The following MROH9 variants were observed in gnomAD, a reference collection of about 807,000 sequenced individuals.
MROH9 encodes maestro heat like repeat family member 9.
Under a neutral mutation model 98.2 loss-of-function variants are expected in MROH9, and 92 were observed. That is an observed-to-expected ratio of 0.94 (90% CI 0.79 to 1.11). The LOEUF is 1.11. Ranked by LOEUF, MROH9 falls within the 50% of genes most tolerant of loss-of-function variation. The pLI is 0.00. For synonymous variants in MROH9, 397 were observed against 368.9 expected, an observed-to-expected ratio of 1.08 and a Z score of -0.87; for missense variants, 1,057 against 1,014.8, an observed-to-expected ratio of 1.04 and a Z score of -0.57.
rs767502028 is a variant in MROH9, at chr1:171,016,149, C to A, written c.1735-14C>A. On this transcript the variant is annotated splice_polypyrimidine_tract_variant and intron_variant, in intron 16 of 21. Transcript: ENST00000367759. ...TAGTTCCTAAATCCCACCATTTTTT[C>A]CTTTTATATGTAGACAGAAAATGTC... The A allele has an allele frequency of 7.1e-7, 1 of 1,415,474 alleles. No individual in the cohort carries two copies. Among genetic ancestry groups the A allele is most frequent in the Non-Finnish European group, 9.3e-7 (1 of 1,078,994 alleles). 87.7% of individuals were successfully genotyped at this position (1,415,474 alleles called of 1,614,324 possible). A position where few individuals can be genotyped will look rare whatever the true frequency, so the allele number is the denominator to read the frequency against.
At chr1:170,983,625 G>T in intron 9 of MROH9, 91 bp downstream of exon 9, 1 of 763,888 alleles carries the variant, frequency 1.3e-6, no homozygotes, top group South Asian at 1.8e-5. Flanking sequence ...TATGTCGTTA[G>T]TATTTTTTCG....
At chr1:170,997,317 G>A (rs1651619534) in intron 14 of MROH9, among the ~76,000 whole-genome samples, 1 of 152,110 alleles carries the variant, frequency 6.6e-6, no homozygotes, top group African/African-American at 2.4e-5. Context: ...GTGTTAAAGT[G>A]TAGTACATCT....
In MROH9 at chr1:170,965,484, A is replaced by T. The variant is rs72710544; in HGVS notation, c.480+229A>T. 2.1e-3 allele frequency among the ~76,000 whole-genome samples: 316 copies of T among 152,248 alleles called. 2 individuals carry two copies. The highest frequency in any genetic ancestry group is 6.8e-3 in the Middle Eastern group (2 of 294). On this transcript the variant is annotated intron_variant, in intron 7 of 21. Transcript: ENST00000367759. ...ACGCATCATGCTTTATGCAAAGAGC[A>T]TGAGGGTGTTAAAACCAGATTCTTG... is the stretch of plus-strand genomic sequence containing the variant.
intron 20 of MROH9, among the ~76,000 whole-genome samples, chr1:171,040,066 A>G (rs1345919090): frequency 6.6e-6 from 1 of 152,170 alleles, no homozygotes. Context: ...GACAACATAG[A>G]TGAACCTAGA....
At chr1:170,969,103 AAC>A (rs1438838023) in intron 7 of MROH9, among the ~76,000 whole-genome samples, 2 of 152,230 alleles carry the variant, frequency 1.3e-5, no homozygotes, top group African/African-American at 4.8e-5. Flanking sequence ...AAAAGAATTT[AAC>A]AGTTTCTCAA....
At chr1:171,025,697 T>A (rs1314346814) in intron 20 of MROH9, among the ~76,000 whole-genome samples, 2 of 152,162 alleles carry the variant, frequency 1.3e-5, no homozygotes, top group African/African-American at 4.8e-5. Context: ...ATTTTTCCCC[T>A]TCACCACTTA....
chr1:170,954,543 G>T (rs879284613), intron 3 of MROH9, among the ~76,000 whole-genome samples: 7 of 151,892 alleles, frequency 4.6e-5, no homozygotes, highest in Non-Finnish European at 1.0e-4. Context: ...ATCATATGTA[G>T]TTCCATTTTT....
chr1:171,019,853 A>G (rs1346949546), intron 17 of MROH9, among the ~76,000 whole-genome samples: 1 of 152,192 alleles, frequency 6.6e-6, no homozygotes, highest in Non-Finnish European at 1.5e-5. Flanking sequence ...AAAAATTAAC[A>G]AAATAGATAG....
intron 3 of MROH9, among the ~76,000 whole-genome samples, chr1:170,948,295 G>A (rs530423691): frequency 7.9e-5 from 12 of 152,098 alleles, no homozygotes; most frequent in Admixed American, 2.6e-4. Context: ...ATGCTTCAGC[G>A]TGGATATTAA....
At chr1:170,938,841 C>A (rs1306509501) in intron 1 of MROH9, among the ~76,000 whole-genome samples, 6 of 152,222 alleles carry the variant, frequency 3.9e-5, no homozygotes, top group Non-Finnish European at 7.3e-5. Context: ...TGGGCCACAT[C>A]AAGGACTCAG....
chr1:170,979,457 G>GA (rs1383857089), intron 8 of MROH9, among the ~76,000 whole-genome samples: 2 of 151,974 alleles, frequency 1.3e-5, no homozygotes, highest in African/African-American at 2.4e-5. Flanking sequence ...ATTGCGTTTG[G>GA]AAAAAATGGA....
chr1:170,975,900 G>A (rs1299360950), intron 8 of MROH9, among the ~76,000 whole-genome samples: 2 of 152,092 alleles, frequency 1.3e-5, no homozygotes, highest in African/African-American at 4.8e-5. Flanking sequence ...CATCATTTAT[G>A]TAAATGCCCT....
At chr1:170,995,894 A>G (rs1404579203) in intron 13 of MROH9, among the ~76,000 whole-genome samples, 2 of 152,126 alleles carry the variant, frequency 1.3e-5, no homozygotes, top group African/African-American at 2.4e-5. Flanking sequence ...TCTGCTAGTA[A>G]CCTCTCAGGG....
intron 10 of MROH9, among the ~76,000 whole-genome samples, chr1:170,989,317 A>G (rs532117017): frequency 5.3e-5 from 8 of 152,200 alleles, no homozygotes; most frequent in Non-Finnish European, 8.8e-5. Context: ...TCCTTGTTCA[A>G]GAATGAGTAA....
In MROH9 at chr1:170,971,871, CG is replaced by C; in HGVS notation, c.606del (p.Cys203ValfsTer25). 6.2e-7 allele frequency: 1 copy of C among 1,613,890 alleles called. No individual in the cohort carries two copies. The highest frequency in any genetic ancestry group is 1.1e-5 in the South Asian group (1 of 91,060). On this transcript the variant is annotated frameshift_variant, in exon 8 of 22. Coordinates refer to ENST00000367759, the MANE Select transcript of MROH9 (RefSeq NM_001163629.2). LOFTEE classifies it high-confidence loss of function. The stretch of plus-strand genomic sequence containing the variant: ...AATGTGTCACCTCCTCTACATTGCA[CG>C]GTGTCAGAACGGTAAGAACAGTTCA... ...LGMCHLLYIA[R>X]CQNDIGTNKP...
At chr1:170,983,623 T>C in intron 9 of MROH9, 89 bp downstream of exon 9, 1 of 792,066 alleles carries the variant, frequency 1.3e-6, no homozygotes, top group Non-Finnish European at 2.1e-6. Flanking sequence ...TTTATGTCGT[T>C]AGTATTTTTT....
chr1:170,990,182 G>A (rs1651302297), intron 11 of MROH9, among the ~76,000 whole-genome samples, 179 bp downstream of exon 11: 1 of 152,112 alleles, frequency 6.6e-6, no homozygotes, highest in African/African-American at 2.4e-5. Context: ...GATCATATGT[G>A]TTATGCATAT....
chr1:171,053,697 A>C (rs72712615), intron 20 of MROH9, among the ~76,000 whole-genome samples: 18,357 of 152,264 alleles, frequency 0.12, 1,210 homozygotes, highest in Middle Eastern at 0.22. Context: ...TAATGTATTC[A>C]AAAGATTAAA....
Position 170,947,562 on chromosome 1 carries a change from T to C in MROH9, c.61T>C (p.Trp21Arg). 1 of 1,610,390 alleles carries C rather than the reference T, an allele frequency of 6.2e-7. No homozygotes were observed. Among genetic ancestry groups the C allele is most frequent in the Admixed American group, 1.7e-5 (1 of 59,814 alleles). Residue 21 changes from tryptophan to arginine, a missense_variant, in exon 3 of 22, where the codon TGG becomes CGG. Trp to Arg is a moderately radical substitution (Grantham distance 101). Transcript: ENST00000367759. ...SLQILQDSVK[W>R]HHMAHKVNSL... ...CCAGATTCTGCAAGACAGTGTGAAA[T>C]GGCACCACATGGTAAGTGATATTCT...
Sources: allele counts gnomAD v4.1 joint callset (sites outside exome capture counted in the v4.1 genomes callset), GRCh38; gene constraint gnomAD v4.1.1; transcripts MANE v1.5; gene names NCBI Gene and HGNC (gene_info 2026-07-23, HGNC 2026-07-21).